Variants in CLVS1 observed in about 807,000 individuals in gnomAD.
The protein encoded by CLVS1 is clavesin 1.
A neutral mutation model predicts 33.1 loss-of-function variants in CLVS1; 10 were observed. The ratio of observed to expected loss-of-function variants is 0.30; its 90% CI spans 0.19 to 0.51. The LOEUF (loss-of-function observed/expected upper bound fraction) is 0.51, where lower values mean the gene tolerates loss of function less well. Ranked by LOEUF, CLVS1 falls within the 20% of genes least tolerant of loss-of-function variation. CLVS1 has a pLI of 0.97. For synonymous variants in CLVS1, 163 were observed against 166.1 expected, an observed-to-expected ratio of 0.98 and a Z score of 0.14; for missense variants, 343 against 433.4, an observed-to-expected ratio of 0.79 and a Z score of 1.85.
chr8:61,366,306 C>A (rs1340766673), intron 2 of CLVS1, among the ~76,000 whole-genome samples: 1 of 152,126 alleles, frequency 6.6e-6, no homozygotes, highest in Non-Finnish European at 1.5e-5. Flanking sequence ...GGTATACAAG[C>A]CTTCCTGTTT....
intron 2 of CLVS1, among the ~76,000 whole-genome samples, chr8:61,323,817 C>G (rs1811282048): frequency 6.6e-6 from 1 of 152,168 alleles, no homozygotes; most frequent in Non-Finnish European, 1.5e-5. Context: ...CTGCACTCCA[C>G]TCTCCAATAG....
chr8:60,968,943 G>T, the CLVS1 span, among the ~76,000 whole-genome samples: 1 of 151,448 alleles, frequency 6.6e-6, no homozygotes, highest in African/African-American at 2.4e-5. Context: ...AAACTAGGAG[G>T]CCAGGCATGG....
At chr8:61,474,318 GA>G (rs900871497) in intron 5 of CLVS1, among the ~76,000 whole-genome samples, 1 of 152,158 alleles carries the variant, frequency 6.6e-6, no homozygotes, top group Non-Finnish European at 1.5e-5. Flanking sequence ...ATAATGACTT[GA>G]AAGTCATAGG....
intron 3 of CLVS1, chr8:61,391,237 T>A (rs1814292253): frequency 6.6e-6 from 1 of 152,230 alleles, no homozygotes; most frequent in Admixed American, 6.5e-5. Flanking sequence ...TTGGTAAGTA[T>A]GAGTAATGCG....
intron 2 of CLVS1, among the ~76,000 whole-genome samples, chr8:61,261,344 C>G (rs1809199485): frequency 6.6e-6 from 1 of 152,194 alleles, no homozygotes; most frequent in Non-Finnish European, 1.5e-5. Context: ...TATCCTTTGA[C>G]TAACAAAGTT....
At chr8:60,973,391 G>T in the CLVS1 span, among the ~76,000 whole-genome samples, 3 of 152,228 alleles carry the variant, frequency 2.0e-5, no homozygotes, top group East Asian at 3.9e-4. Flanking sequence ...TTCTGTTTGT[G>T]TACTTGATCT....
intron 5 of CLVS1, among the ~76,000 whole-genome samples, chr8:61,491,270 C>T (rs141566447): frequency 2.4e-3 from 364 of 152,248 alleles, no homozygotes; most frequent in African/African-American, 8.3e-3. Flanking sequence ...TGATCTTGTT[C>T]AAGATCATTG....
intron 2 of CLVS1, among the ~76,000 whole-genome samples, chr8:61,242,003 G>A (rs542415766): frequency 1.3e-5 from 2 of 151,490 alleles, no homozygotes; most frequent in Admixed American, 6.6e-5. Flanking sequence ...TTTTCTAAAC[G>A]TGCAGTCATT....
intron 3 of CLVS1, among the ~76,000 whole-genome samples, chr8:61,426,561 C>A (rs1378095002): frequency 6.6e-6 from 1 of 152,138 alleles, no homozygotes; most frequent in Non-Finnish European, 1.5e-5. Flanking sequence ...TTTCTCCTGA[C>A]CCCCATTTTC....
chr8:61,425,711 T>C (rs1815863981), intron 3 of CLVS1, among the ~76,000 whole-genome samples: 1 of 152,198 alleles, frequency 6.6e-6, no homozygotes, highest in Admixed American at 6.5e-5. Context: ...CAGTGGACTT[T>C]TCTGGTGTGG....
chr8:61,322,898 A>T (rs191596979), intron 2 of CLVS1, among the ~76,000 whole-genome samples: 2 of 152,262 alleles, frequency 1.3e-5, no homozygotes, highest in East Asian at 3.9e-4. Flanking sequence ...TTTCCAAACA[A>T]AATTTAGTCT....
rs574056952 is a variant in CLVS1, at chr8:61,166,645, A to T, written c.-152+34785A>T. Among the ~76,000 whole-genome samples the T allele has an allele frequency of 7.2e-5, 11 of 152,216 alleles. No homozygotes were observed. The South Asian group carries it at 2.1e-3, about 29-fold the overall frequency. ...ATTTTTTTGATTAGTAATTACCCTA[A>T]GCCACTAACCACTTGTATTATTTCT... is the stretch of plus-strand genomic sequence containing the variant. On this transcript the variant is annotated intron_variant, in intron 2 of 2. Transcript: ENST00000522621.
intron 2 of CLVS1, among the ~76,000 whole-genome samples, chr8:61,255,538 A>G (rs1474475115): frequency 5.3e-5 from 8 of 152,212 alleles, no homozygotes; most frequent in Non-Finnish European, 1.0e-4. Flanking sequence ...GCAAAGGTAT[A>G]ACATAATTTC....
intron 2 of CLVS1, among the ~76,000 whole-genome samples, chr8:61,151,119 G>GTATC: frequency 6.6e-6 from 1 of 152,284 alleles, no homozygotes; most frequent in Non-Finnish European, 1.5e-5. Context: ...ACAAACTCTC[G>GTATC]TATCTACTTA....
chr8:61,125,331 A>G (rs1281155358), intron 1 of CLVS1, among the ~76,000 whole-genome samples: 1 of 152,160 alleles, frequency 6.6e-6, no homozygotes, highest in Non-Finnish European at 1.5e-5. Flanking sequence ...GTCAGGGGGA[A>G]GGCTCTGTGG....
At chr8:61,420,509 A>G (rs7003399) in intron 3 of CLVS1, among the ~76,000 whole-genome samples, 3,647 of 151,778 alleles carry the variant, frequency 0.024, 162 homozygotes, top group African/African-American at 0.084. Context: ...GGCTGAGGCA[A>G]AAGAATCGCT....
chr8:61,380,443 T>G (rs956382930), intron 3 of CLVS1, among the ~76,000 whole-genome samples: 47 of 152,316 alleles, frequency 3.1e-4, no homozygotes, highest in African/African-American at 1.1e-3. Flanking sequence ...ATCGTGTATG[T>G]ATTATAAATT....
chr8:61,451,847 A>AGAGAG (rs1177149435), intron 3 of CLVS1, among the ~76,000 whole-genome samples: 1 of 150,612 alleles, frequency 6.6e-6, no homozygotes, highest in African/African-American at 2.5e-5. Flanking sequence ...AGAGAGAGAG[A>AGAGAG]ACAGAGAGTA....
the CLVS1 span, among the ~76,000 whole-genome samples, chr8:61,026,363 C>A: frequency 1.3e-5 from 2 of 152,200 alleles, no homozygotes; most frequent in South Asian, 4.1e-4. Flanking sequence ...GCCTTCAGAA[C>A]TGTGAGACAA....
Sources: gnomAD v4.1 joint callset for allele counts (sites outside exome capture counted in the v4.1 genomes callset) on GRCh38, gnomAD v4.1.1 for gene constraint, MANE v1.5 for transcripts, NCBI Gene and HGNC (gene_info 2026-07-23, HGNC 2026-07-21) for gene names.